Variants in CNTN4 observed in about 807,000 individuals in gnomAD.
The protein encoded by CNTN4 is contactin-4.
In CNTN4, 77 loss-of-function variants were observed where a neutral mutation model predicts 122.5. The ratio of observed to expected loss-of-function variants is 0.63; its 90% CI spans 0.52 to 0.76. CNTN4 has a LOEUF of 0.76. CNTN4 is among the 30% of genes least tolerant of loss of function. The pLI is 0.00. For synonymous variants in CNTN4, 512 were observed against 447.0 expected, an observed-to-expected ratio of 1.15 and a Z score of -1.83; for missense variants, 1,256 against 1,259.1, an observed-to-expected ratio of 1.00 and a Z score of 0.04.
At chr3:2,128,215 G>T (rs1292606324) in intron 2 of CNTN4, among the ~76,000 whole-genome samples, 2 of 152,162 alleles carry the variant, frequency 1.3e-5, no homozygotes, top group African/African-American at 4.8e-5. Context: ...TTTACCTGCT[G>T]ATTGCAACCC....
chr3:2,931,348 G>T (rs1048997353), intron 13 of CNTN4, among the ~76,000 whole-genome samples: 2 of 148,108 alleles, frequency 1.4e-5, no homozygotes, highest in African/African-American at 2.4e-5. Context: ...AGGAACTGAC[G>T]AATGGCAGTT....
chr3:2,791,400 G>A (rs1295232622), intron 6 of CNTN4, among the ~76,000 whole-genome samples: 3 of 151,980 alleles, frequency 2.0e-5, no homozygotes, highest in Non-Finnish European at 4.4e-5. Context: ...GAGCATGGTG[G>A]CGTGTACCTC....
chr3:2,353,445 C>T (rs1235483425), intron 3 of CNTN4, among the ~76,000 whole-genome samples: 2 of 152,242 alleles, frequency 1.3e-5, no homozygotes, highest in East Asian at 3.9e-4. Context: ...TGTTCTTTTG[C>T]TCTTTGCAAT....
At chr3:2,688,410 G>A (rs182042976) in intron 4 of CNTN4, among the ~76,000 whole-genome samples, 3 of 152,194 alleles carry the variant, frequency 2.0e-5, no homozygotes, top group East Asian at 1.9e-4. Flanking sequence ...GCCAATTACC[G>A]ATTACACAAG....
At chr3:2,805,723 A>G (rs2092450388) in intron 6 of CNTN4, among the ~76,000 whole-genome samples, 1 of 152,184 alleles carries the variant, frequency 6.6e-6, no homozygotes, top group East Asian at 1.9e-4. Flanking sequence ...CGTGGATGCC[A>G]AAGGGGGAGA....
chr3:2,791,378 A>G (rs1352376067), intron 6 of CNTN4, among the ~76,000 whole-genome samples: 1 of 151,990 alleles, frequency 6.6e-6, no homozygotes, highest in Non-Finnish European at 1.5e-5. Context: ...CAAAAAATAC[A>G]AAAAATTAGC....
At chr3:2,885,819 A>G (rs1234437186) in intron 9 of CNTN4, among the ~76,000 whole-genome samples, 1 of 152,142 alleles carries the variant, frequency 6.6e-6, no homozygotes, top group African/African-American at 2.4e-5. Context: ...ACTGGTCTAG[A>G]AAGCTCACAA....
In CNTN4 at chr3:3,053,987, T is replaced by C. The variant is rs749344126; in HGVS notation, c.2980+12T>C. 2 of 1,611,932 alleles carry C rather than the reference T, an allele frequency of 1.2e-6. No homozygotes were observed. The highest frequency in any genetic ancestry group is 1.7e-6 in the Non-Finnish European group (2 of 1,178,064). ...TCCAAAGATATCAAGTGAGAATGCCTTTTTTTCTCCCTTTTCTCCTGCCTG... is the reference window on the plus strand; with the variant it reads ...TCCAAAGATATCAAGTGAGAATGCCCTTTTTTCTCCCTTTTCTCCTGCCTG... On this transcript the variant is annotated intron_variant, in intron 24 of 24. Transcript: ENST00000418658.
chr3:2,608,401 A>G (rs1397820543), intron 4 of CNTN4, among the ~76,000 whole-genome samples: 2 of 152,210 alleles, frequency 1.3e-5, no homozygotes, highest in Admixed American at 6.5e-5. Flanking sequence ...TTGAAGCTGC[A>G]GTGAACTATG....
intron 14 of CNTN4, among the ~76,000 whole-genome samples, chr3:3,006,317 G>A (rs1466697047): frequency 6.6e-6 from 1 of 152,100 alleles, no homozygotes; most frequent in Admixed American, 6.6e-5. Flanking sequence ...TGACACGTCT[G>A]GCCCATATTA....
intron 3 of CNTN4, among the ~76,000 whole-genome samples, chr3:2,519,264 C>G (rs2077129239): frequency 6.6e-6 from 1 of 152,152 alleles, no homozygotes; most frequent in Non-Finnish European, 1.5e-5. Flanking sequence ...CCATCCCTCA[C>G]AAGTGACCTT....
At chr3:2,918,316 A>C (rs749616479) in intron 12 of CNTN4, among the ~76,000 whole-genome samples, 1 of 152,190 alleles carries the variant, frequency 6.6e-6, no homozygotes, top group Non-Finnish European at 1.5e-5. Context: ...GAGCAAGTAA[A>C]CTCAAGGTGA....
chr3:2,854,198 AG>A (rs980077917), intron 7 of CNTN4, among the ~76,000 whole-genome samples: 92 of 151,944 alleles, frequency 6.1e-4, no homozygotes, highest in Non-Finnish European at 1.0e-3. Flanking sequence ...AGCATTAGCA[AG>A]ACGCAGGGAA....
At chr3:2,979,530 T>G (rs555286439) in intron 13 of CNTN4, among the ~76,000 whole-genome samples, 2 of 152,264 alleles carry the variant, frequency 1.3e-5, no homozygotes, top group South Asian at 4.1e-4. Context: ...ATTGTTTCAC[T>G]TTCAGGCTTT....
At chr3:2,289,819 T>C (rs1364339886) in intron 2 of CNTN4, among the ~76,000 whole-genome samples, 1 of 152,220 alleles carries the variant, frequency 6.6e-6, no homozygotes, top group East Asian at 1.9e-4. Context: ...AGAATAGTCA[T>C]TGATGTGTAA....
At chr3:2,573,241 C>G (rs985141737) in intron 4 of CNTN4, among the ~76,000 whole-genome samples, 3 of 151,958 alleles carry the variant, frequency 2.0e-5, no homozygotes, top group Non-Finnish European at 2.9e-5. Context: ...AAATGTAAAC[C>G]CTCATTTACT....
At chr3:2,647,777 G>A (rs1263723241) in intron 4 of CNTN4, among the ~76,000 whole-genome samples, 1 of 152,152 alleles carries the variant, frequency 6.6e-6, no homozygotes, top group Admixed American at 6.5e-5. Context: ...CTAAATTGCT[G>A]TAGAGATACC....
chr3:2,259,732 C>T (rs2040746785), intron 2 of CNTN4, among the ~76,000 whole-genome samples: 1 of 152,130 alleles, frequency 6.6e-6, no homozygotes, highest in African/African-American at 2.4e-5. Context: ...CCACCAAGTC[C>T]CTCCCACAAC....
intron 20 of CNTN4, among the ~76,000 whole-genome samples, chr3:3,041,758 T>C (rs1483185806): frequency 1.3e-5 from 2 of 152,140 alleles, no homozygotes; most frequent in African/African-American, 4.8e-5. Context: ...GCCTAGGAGT[T>C]TGAGACCAAC....
Sources: allele counts gnomAD v4.1 joint callset (sites outside exome capture counted in the v4.1 genomes callset), GRCh38; gene constraint gnomAD v4.1.1; transcripts MANE v1.5; gene names NCBI Gene and HGNC (gene_info 2026-07-23, HGNC 2026-07-21).